Variants in FAT3 observed in about 807,000 individuals in gnomAD.
FAT3 encodes protocadherin Fat 3.
Under a neutral mutation model 310.2 loss-of-function variants are expected in FAT3, and 95 were observed. The observed-to-expected ratio is 0.31, with a 90% CI of 0.26 to 0.36. The LOEUF is 0.36. Ranked by LOEUF, FAT3 falls within the 10% of genes least tolerant of loss-of-function variation. FAT3 has a pLI of 1.00. For missense variants in FAT3, 5,408 were observed against 5,715.6 expected, an observed-to-expected ratio of 0.95 and a Z score of 1.74; for synonymous variants, 2,314 against 2,192.9, an observed-to-expected ratio of 1.06 and a Z score of -1.54.
intron 13 of FAT3, among the ~76,000 whole-genome samples, chr11:92,817,383 A>G (rs186212397): frequency 1.3e-5 from 2 of 152,336 alleles, no homozygotes; most frequent in African/African-American, 2.4e-5. Context: ...CCTAAAGTTA[A>G]TAGTTTGATC....
intron 3 of FAT3, among the ~76,000 whole-genome samples, chr11:92,636,213 C>CT (rs1235743233): frequency 2.0e-5 from 3 of 152,148 alleles, no homozygotes; most frequent in Non-Finnish European, 2.9e-5. Context: ...TGCACCCACT[C>CT]TGCCTCCCAA....
At chr11:92,280,968 G>T (rs944506041) in intron 1 of FAT3, among the ~76,000 whole-genome samples, 1 of 152,004 alleles carries the variant, frequency 6.6e-6, no homozygotes, top group Admixed American at 6.6e-5. Context: ...CCACCTCTAA[G>T]AATCTGTTTT....
At chr11:92,492,032 T>C (rs660310) in intron 2 of FAT3, among the ~76,000 whole-genome samples, 54,804 of 151,926 alleles carry the variant, frequency 0.36, 10,941 homozygotes, top group Middle Eastern at 0.53. Flanking sequence ...TGTGTTCTTA[T>C]GCAGTAATAT....
intron 3 of FAT3, among the ~76,000 whole-genome samples, chr11:92,692,433 G>C (rs1159873597): frequency 6.6e-6 from 1 of 152,138 alleles, no homozygotes; most frequent in Non-Finnish European, 1.5e-5. Flanking sequence ...CTGACTGTTT[G>C]GAAAATAATT....
At chr11:92,242,231 T>G (rs900116155) in intron 1 of FAT3, among the ~76,000 whole-genome samples, 1 of 152,076 alleles carries the variant, frequency 6.6e-6, no homozygotes, top group Admixed American at 6.6e-5. Flanking sequence ...TTAAAGATGC[T>G]GCTTTAGACT....
chr11:92,342,551 G>C (rs1172816902), intron 1 of FAT3, among the ~76,000 whole-genome samples: 2 of 152,164 alleles, frequency 1.3e-5, no homozygotes, highest in Non-Finnish European at 2.9e-5. Context: ...CATTGTGTCA[G>C]ACTGTAGCAA....
intron 3 of FAT3, among the ~76,000 whole-genome samples, chr11:92,567,201 A>AAG (rs35587330): frequency 1.7e-5 from 2 of 117,364 alleles, no homozygotes; most frequent in Non-Finnish European, 1.8e-5. Flanking sequence ...GAAAAAAACA[A>AAG]AACCCCATCA....
At chr11:92,825,592 G>A (rs1948081702) in intron 13 of FAT3, among the ~76,000 whole-genome samples, 1 of 152,110 alleles carries the variant, frequency 6.6e-6, no homozygotes, top group African/African-American at 2.4e-5. Flanking sequence ...CAGCACTGGG[G>A]TAGACAGTAC....
chr11:92,797,882 C>T lies in FAT3; in HGVS notation c.4869C>T (p.Ile1623=), dbSNP rs1947216924. ...AGATCGAACCGGTCCTAGGCATCAT[C>T]ACCATTTGCAAAGAACCAGACATGA... ...MFKIEPVLGI[I]TICKEPDMTT... The change falls in exon 10 of 28, where the codon ATC becomes ATT. Residue 1623 remains isoleucine (I), a synonymous_variant. Transcript: ENST00000525166. 1 of 1,613,880 alleles carries T rather than the reference C, an allele frequency of 6.2e-7. No homozygotes were observed. Among genetic ancestry groups the T allele is most frequent in the Non-Finnish European group, 8.5e-7 (1 of 1,179,820 alleles).
rs1220254550 is a variant in FAT3, at chr11:92,639,445, T to C, written c.3608-57939T>C. On this transcript the variant is annotated intron_variant, in intron 3 of 27. Coordinates refer to ENST00000525166, the MANE Select transcript of FAT3 (RefSeq NM_001367949.2). ...TAGTTCTTTACAAACAGCACTGCAA[T>C]GTGGTTGTGAAAAAAATCAAGATCA... Among the ~76,000 whole-genome samples, 4 of 152,240 alleles carry C rather than the reference T, an allele frequency of 2.6e-5. No individual in the cohort carries two copies. The East Asian group carries it at 7.7e-4, about 29-fold the overall frequency.
chr11:92,645,955 G>A (rs1400873335), intron 3 of FAT3, among the ~76,000 whole-genome samples: 1 of 152,122 alleles, frequency 6.6e-6, no homozygotes, highest in East Asian at 1.9e-4. Context: ...TTTACATCAT[G>A]TATTCTACTT....
intron 2 of FAT3, among the ~76,000 whole-genome samples, chr11:92,479,508 C>T (rs899212222): frequency 2.6e-5 from 4 of 152,242 alleles, no homozygotes; most frequent in Non-Finnish European, 5.9e-5. Flanking sequence ...CTCAATATTA[C>T]GTGCTGCCTT....
chr11:92,242,504 CT>C (rs1324227985), intron 1 of FAT3, among the ~76,000 whole-genome samples: 2 of 151,852 alleles, frequency 1.3e-5, no homozygotes, highest in African/African-American at 4.8e-5. Flanking sequence ...TCTTCACTGA[CT>C]CATAAATGTT....
intron 3 of FAT3, among the ~76,000 whole-genome samples, chr11:92,570,790 C>T (rs117470977): frequency 2.1e-3 from 320 of 152,258 alleles, no homozygotes; most frequent in Middle Eastern, 3.4e-3. Flanking sequence ...AAGAACCAGT[C>T]GTTTTCAGGG....
chr11:92,819,528 T>C (rs939037530), intron 13 of FAT3, among the ~76,000 whole-genome samples: 1 of 152,232 alleles, frequency 6.6e-6, no homozygotes, highest in Admixed American at 6.5e-5. Context: ...GGATTCTTAA[T>C]ATTTTTGTGT....
intron 2 of FAT3, among the ~76,000 whole-genome samples, chr11:92,440,690 T>C (rs1951046791): frequency 1.3e-5 from 2 of 152,198 alleles, no homozygotes; most frequent in African/African-American, 4.8e-5. Context: ...TGAAGTGTTT[T>C]GGGAGGCGGT....
intron 19 of FAT3, among the ~76,000 whole-genome samples, chr11:92,849,627 G>T (rs1160298942): frequency 1.3e-5 from 2 of 152,170 alleles, no homozygotes; most frequent in Non-Finnish European, 2.9e-5. Context: ...GTGTTATTGG[G>T]GCACGGAGGA....
intron 7 of FAT3, among the ~76,000 whole-genome samples, chr11:92,784,286 A>C (rs1209836004): frequency 1.3e-5 from 2 of 152,274 alleles, no homozygotes; most frequent in Admixed American, 1.3e-4. Context: ...ATTCAAAAAG[A>C]AAACTTACAA....
At chr11:92,379,446 A>G (rs1338238586) in intron 2 of FAT3, among the ~76,000 whole-genome samples, 1 of 152,182 alleles carries the variant, frequency 6.6e-6, no homozygotes, top group Non-Finnish European at 1.5e-5. Flanking sequence ...CCCCATGATG[A>G]TGAGCAGGAA....
Sources: gnomAD v4.1 joint callset for allele counts (sites outside exome capture counted in the v4.1 genomes callset) on GRCh38, gnomAD v4.1.1 for gene constraint, MANE v1.5 for transcripts, NCBI Gene and HGNC (gene_info 2026-07-23, HGNC 2026-07-21) for gene names.